KCNAB1: variants seen among roughly 807,000 people sequenced by gnomAD.
KCNAB1 encodes the protein voltage-gated potassium channel subunit beta-1.
Under a neutral mutation model 64.6 loss-of-function variants are expected in KCNAB1, and 35 were observed. The ratio of observed to expected loss-of-function variants is 0.54; its 90% confidence interval spans 0.41 to 0.72. The LOEUF is 0.72. Ranked by LOEUF, KCNAB1 falls within the 30% of genes least tolerant of loss-of-function variation. The probability of loss-of-function intolerance (pLI) is 0.00; values close to 1 mark genes in which losing one functional copy is unlikely to be tolerated. For synonymous variants in KCNAB1, 177 were observed against 183.8 expected (o/e 0.96, Z 0.30); for missense variants, 401 against 512.9 (o/e 0.78, Z 2.11).
Position 156,333,329 on chromosome 3 carries a change from CACACACACACACAT to C in KCNAB1, c.276-88273_276-88260del, listed in dbSNP as rs1336413990. ...ACAAACGCACATAGAAACACACACACACACACACACACATACACACACACACACACACGTGTATA... is the reference window on the plus strand; with the variant it reads ...ACAAACGCACATAGAAACACACACACACACACACACACACACACGTGTATA... On this transcript the variant is annotated intron_variant, in intron 1 of 13. Transcript: ENST00000490337. Among the ~76,000 whole-genome samples the C allele has an allele frequency of 6.8e-3, 1,000 of 147,260 alleles. 11 individuals carry two copies. Among genetic ancestry groups the C allele is most frequent in the African/African-American group, 0.024 (955 of 39,698 alleles).
rs531662011 is a variant in KCNAB1, at chr3:156,404,933, G to A, written c.276-16683G>A. Among the ~76,000 whole-genome samples, 60 of 152,340 alleles carry A rather than the reference G, an allele frequency of 3.9e-4. 2 individuals are homozygous for A. Among genetic ancestry groups the A allele is most frequent in the African/African-American group, 1.3e-3 (55 of 41,578 alleles). On this transcript the variant is annotated intron_variant, in intron 1 of 13. Coordinates refer to ENST00000490337, the MANE Select transcript of KCNAB1 (RefSeq NM_172160.3). Reference sequence around the variant, plus strand: ...ATGAAAAGAAAGGAAGGTATCAGCCGTAAAAGAGATGTACTTAAGATTCAG... The same window carrying A: ...ATGAAAAGAAAGGAAGGTATCAGCCATAAAAGAGATGTACTTAAGATTCAG...
intron 1 of KCNAB1, among the ~76,000 whole-genome samples, chr3:156,299,086 C>T (rs1269101552): frequency 6.6e-6 from 1 of 152,092 alleles, no homozygotes; most frequent in South Asian, 2.1e-4. Context: ...TCAGAGTTAC[C>T]CATGAAGTTG....
In KCNAB1 at chr3:156,165,194, C is replaced by A. The variant is rs561898841; in HGVS notation, c.275+44308C>A. The stretch of plus-strand genomic sequence containing the variant: ...TTGGGAGGCTGAGGCAGGAGAATGG[C>A]GTGAACCCGGGAGGCGGAGCTTGCA... On this transcript the variant is annotated intron_variant, in intron 1 of 13. Coordinates refer to ENST00000490337, the MANE Select transcript of KCNAB1 (RefSeq NM_172160.3). 2.5e-3 allele frequency among the ~76,000 whole-genome samples: 339 copies of A among 134,616 alleles called. 3 individuals carry two copies. Among genetic ancestry groups the A allele is most frequent in the African/African-American group, 9.1e-3 (326 of 35,762 alleles). 88.3% of individuals were successfully genotyped at this position (134,616 alleles called of 152,430 possible).
chr3:156,271,434 T>G (rs1719032464), intron 1 of KCNAB1, among the ~76,000 whole-genome samples: 1 of 152,214 alleles, frequency 6.6e-6, no homozygotes, highest in South Asian at 2.1e-4. Context: ...TTCTAGCTTA[T>G]TATTTCTTTT....
At chr3:156,420,966 T>C (rs1367794205) in intron 1 of KCNAB1, among the ~76,000 whole-genome samples, 1 of 149,732 alleles carries the variant, frequency 6.7e-6, no homozygotes, top group African/African-American at 2.4e-5. Flanking sequence ...CACATATATA[T>C]GTAATATAGT....
chr3:156,351,249 C>G (rs1409662417), intron 1 of KCNAB1, among the ~76,000 whole-genome samples: 2 of 152,212 alleles, frequency 1.3e-5, no homozygotes, highest in Non-Finnish European at 2.9e-5. Context: ...AGAAATCAAA[C>G]ACGGAATCTA....
At chr3:156,334,049 T>C (rs1209198356) in intron 1 of KCNAB1, among the ~76,000 whole-genome samples, 1 of 152,218 alleles carries the variant, frequency 6.6e-6, no homozygotes, top group South Asian at 2.1e-4. Flanking sequence ...TTTGGGTTCG[T>C]GTCATGCTTT....
chr3:156,300,794 G>A (rs1235606746), intron 1 of KCNAB1, among the ~76,000 whole-genome samples: 1 of 152,090 alleles, frequency 6.6e-6, no homozygotes, highest in Non-Finnish European at 1.5e-5. Flanking sequence ...AGTTTCTTGG[G>A]TTAAAGAAAT....
Position 156,282,854 on chromosome 3 carries a change from G to A in KCNAB1, c.276-138762G>A, listed in dbSNP as rs1446703670. Reference sequence around the variant, plus strand: ...CTCCATCCTTTTATTTTGAGCCTATGTGTGTCTCTGCACGTGAGATGGGTT... The same window carrying A: ...CTCCATCCTTTTATTTTGAGCCTATATGTGTCTCTGCACGTGAGATGGGTT... On this transcript the variant is annotated intron_variant, in intron 1 of 13. Coordinates refer to ENST00000490337, the MANE Select transcript of KCNAB1 (RefSeq NM_172160.3). Among the ~76,000 whole-genome samples the A allele has an allele frequency of 4.0e-5, 6 of 151,020 alleles. No individual in the cohort carries two copies. In the East Asian group the frequency reaches 5.8e-4, roughly 15 times the overall value.
intron 1 of KCNAB1, among the ~76,000 whole-genome samples, chr3:156,277,182 C>A (rs1175193003): frequency 6.6e-6 from 1 of 152,232 alleles, no homozygotes; most frequent in East Asian, 1.9e-4. Context: ...GCACTGAGAA[C>A]ACACACAACA....
At chr3:156,127,884 GGTGTGTGTGTGTGT>G (rs10576749) in intron 1 of KCNAB1, among the ~76,000 whole-genome samples, 5 of 147,556 alleles carry the variant, frequency 3.4e-5, no homozygotes, top group African/African-American at 7.5e-5. Flanking sequence ...CTTCATTTGG[GGTGTGTGTGTGTGT>G]GTGTGTGTGT....
intron 4 of KCNAB1, among the ~76,000 whole-genome samples, chr3:156,458,663 T>C (rs548253056): frequency 6.6e-6 from 1 of 152,334 alleles, no homozygotes; most frequent in Non-Finnish European, 1.5e-5. Flanking sequence ...GTAAAGGTTA[T>C]ATGGTCTTGC....
chr3:156,521,745 TCTG>T (rs1559928417), intron 11 of KCNAB1, among the ~76,000 whole-genome samples: 1 of 152,158 alleles, frequency 6.6e-6, no homozygotes, highest in Non-Finnish European at 1.5e-5. Context: ...ATCTCCTATC[TCTG>T]CTAACATTTT....
chr3:156,535,389 T>C (rs937464637), intron 13 of KCNAB1, among the ~76,000 whole-genome samples: 4 of 152,220 alleles, frequency 2.6e-5, no homozygotes, highest in Non-Finnish European at 5.9e-5. Flanking sequence ...CCTTGTCTTA[T>C]GGTGTAATGT....
chr3:156,388,077 A>G (rs1240231525), intron 1 of KCNAB1, among the ~76,000 whole-genome samples: 8 of 152,220 alleles, frequency 5.3e-5, no homozygotes. Context: ...TCTGTTATCT[A>G]TGCTTGGAAA....
At chr3:156,441,717 C>A (rs1482038599) in intron 2 of KCNAB1, among the ~76,000 whole-genome samples, 2 of 152,036 alleles carry the variant, frequency 1.3e-5, no homozygotes, top group Admixed American at 6.6e-5. Context: ...CTTCAAAAAG[C>A]AAAATTACTA....
At chr3:156,464,777 C>A in intron 6 of KCNAB1, among the ~76,000 whole-genome samples, 1 of 152,048 alleles carries the variant, frequency 6.6e-6, no homozygotes, top group Non-Finnish European at 1.5e-5. Flanking sequence ...AACATCATGC[C>A]TATGAGAAAT....
chr3:156,478,248 C>T (rs1231410853), intron 8 of KCNAB1, among the ~76,000 whole-genome samples: 2 of 151,964 alleles, frequency 1.3e-5, no homozygotes, highest in African/African-American at 2.4e-5. Flanking sequence ...TTTAGGTTCA[C>T]TTGCATCCAT....
intron 1 of KCNAB1, among the ~76,000 whole-genome samples, chr3:156,257,652 G>A (rs1277170264): frequency 6.6e-6 from 1 of 152,162 alleles, no homozygotes; most frequent in African/African-American, 2.4e-5. Context: ...TCTTTATAAT[G>A]TATCCCCATG....
Sources: allele counts gnomAD v4.1 joint callset (sites outside exome capture counted in the v4.1 genomes callset), GRCh38; gene constraint gnomAD v4.1.1; transcripts MANE v1.5; gene names NCBI Gene and HGNC (gene_info 2026-07-23, HGNC 2026-07-21).